Variants in HSD17B2 observed in about 807,000 individuals in gnomAD.
HSD17B2 encodes the protein 17-beta-hydroxysteroid dehydrogenase type 2.
HSD17B2 carries 32 observed loss-of-function variants against 26.9 expected under a neutral mutation model. That is an observed-to-expected ratio of 1.19 (90% confidence interval 0.90 to 1.60). The LOEUF (loss-of-function observed/expected upper bound fraction) is 1.60, where lower values mean the gene tolerates loss of function less well. HSD17B2 is among the 40% of genes most tolerant of loss of function. HSD17B2 has a pLI of 0.00. For synonymous variants in HSD17B2, 246 were observed against 186.7 expected, an observed-to-expected ratio of 1.32 and a Z score of -2.59; for missense variants, 613 against 468.6, an observed-to-expected ratio of 1.31 and a Z score of -2.85.
chr16:82,051,621 C>T (rs1025371950), intron 1 of HSD17B2, among the ~76,000 whole-genome samples: 5 of 152,122 alleles, frequency 3.3e-5, no homozygotes, highest in Non-Finnish European at 7.4e-5. Context: ...CTAATGCATG[C>T]AGGGCTTAAC....
chr16:82,037,654 T>C (rs535943509), intron 1 of HSD17B2, among the ~76,000 whole-genome samples: 1 of 152,292 alleles, frequency 6.6e-6, no homozygotes, highest in African/African-American at 2.4e-5. Flanking sequence ...TTAATTTAGA[T>C]TAATATTAAA....
chr16:82,088,498 C>A (rs1302331216), intron 3 of HSD17B2, among the ~76,000 whole-genome samples: 1 of 151,186 alleles, frequency 6.6e-6, no homozygotes, highest in East Asian at 1.9e-4. Context: ...GATTTGAATG[C>A]AGTCAGTGTT....
intron 1 of HSD17B2, among the ~76,000 whole-genome samples, chr16:82,037,470 C>A (rs1215855300): frequency 2.0e-5 from 3 of 152,142 alleles, no homozygotes; most frequent in African/African-American, 7.2e-5. Flanking sequence ...GATTAGCACG[C>A]ATTGTGGTGG....
chr16:82,090,907 G>A lies in HSD17B2; in HGVS notation c.670G>A (p.Ala224Thr), dbSNP rs1260466945. The change falls in exon 4 of 5, where the codon GCC (alanine) becomes ACC (threonine). Residue 224 changes from alanine (A) to threonine (T), a missense_variant. Physicochemically the swap from Ala to Thr is moderately conservative, Grantham distance 58. Coordinates refer to ENST00000199936, the MANE Select transcript of HSD17B2 (RefSeq NM_002153.3). ...TTCTCCCATTATTCCCATAGGAGGG[G>A]CCCCAATGGAAAGGCTGGCATCTTA... Reference protein sequence around the residue: ...LVNVSSMGGGAPMERLASYGS... With the variant: ...LVNVSSMGGGTPMERLASYGS... 1 of 1,611,116 alleles carries A rather than the reference G, an allele frequency of 6.2e-7. No individual in the cohort carries two copies. The highest frequency in any genetic ancestry group is 8.5e-7 in the Non-Finnish European group (1 of 1,178,722).
intron 3 of HSD17B2, among the ~76,000 whole-genome samples, chr16:82,072,925 C>G (rs1914729608): frequency 6.6e-6 from 1 of 152,136 alleles, no homozygotes; most frequent in South Asian, 2.1e-4. Flanking sequence ...ACAAACCAGG[C>G]ATTGTGGCAT....
intron 4 of HSD17B2, 71 bp from the exon 5 acceptor site, chr16:82,098,004 G>C (rs947148358): frequency 1.3e-6 from 2 of 1,495,250 alleles, no homozygotes; most frequent in African/African-American, 2.8e-5. Context: ...CTTCCCAACA[G>C]AGACAAGCGC....
chr16:82,037,269 T>A (rs1913649059), intron 1 of HSD17B2, among the ~76,000 whole-genome samples: 1 of 152,254 alleles, frequency 6.6e-6, no homozygotes, highest in African/African-American at 2.4e-5. Flanking sequence ...TCTTTGTTAT[T>A]TTCAAGTTCT....
At chr16:82,090,173 G>A (rs1299244089) in intron 3 of HSD17B2, 12 of 958,830 alleles carry the variant, frequency 1.3e-5, no homozygotes, top group Non-Finnish European at 1.4e-5. Flanking sequence ...AGGTGCTGTA[G>A]TGGGTTGAAT....
In HSD17B2 at chr16:82,071,012, T is replaced by A; in HGVS notation, c.549T>A (p.Thr183=). 6.2e-7 allele frequency: 1 copy of A among 1,614,240 alleles called. No homozygotes were observed. Among genetic ancestry groups the A allele is most frequent in the South Asian group, 1.1e-5 (1 of 91,092 alleles). Residue 183 remains threonine, a synonymous_variant, in exon 3 of 5, where the codon ACT becomes ACA. Transcript: ENST00000199936. Reference sequence around the variant, plus strand: ...CTGATGGGGAGCTTCTTCTTATGACTGACTACAAACAATGCATGGCCGTGA... The same window carrying A: ...CTGATGGGGAGCTTCTTCTTATGACAGACTACAAACAATGCATGGCCGTGA... ...FPTDGELLLM[T]DYKQCMAVNF...
intron 3 of HSD17B2, among the ~76,000 whole-genome samples, chr16:82,082,750 A>G (rs1161204755): frequency 2.0e-5 from 3 of 152,206 alleles, no homozygotes; most frequent in Non-Finnish European, 4.4e-5. Flanking sequence ...CATATAGTAG[A>G]CACCTAATAA....
chr16:82,050,621 C>T (rs529995127), intron 1 of HSD17B2, among the ~76,000 whole-genome samples: 86 of 152,190 alleles, frequency 5.7e-4, no homozygotes, highest in African/African-American at 1.8e-3. Flanking sequence ...CTGTGGAATC[C>T]GAGCCCCCAG....
Position 82,068,398 on chromosome 16 carries a change from C to G in HSD17B2, c.478+16C>G, listed in dbSNP as rs774094927. 14 of 1,594,884 alleles carry G rather than the reference C, an allele frequency of 8.8e-6. No homozygotes were observed. In the South Asian group the frequency reaches 1.5e-4, roughly 17 times the overall value. On this transcript the variant is annotated intron_variant, in intron 2 of 4. Transcript: ENST00000199936. ...CAGGACAGAGGTACTGCCGCCAGCA[C>G]CCTCAGTGCCTTTACCCTCCTCCTG... is the stretch of plus-strand genomic sequence containing the variant.
At chr16:82,081,041 C>T (rs1184934422) in intron 3 of HSD17B2, among the ~76,000 whole-genome samples, 2 of 151,994 alleles carry the variant, frequency 1.3e-5, no homozygotes, top group Non-Finnish European at 2.9e-5. Context: ...CCCAAATCTC[C>T]CTGGTTTCTT....
intron 1 of HSD17B2, among the ~76,000 whole-genome samples, chr16:82,055,875 G>C (rs149395767): frequency 6.6e-6 from 1 of 152,318 alleles, no homozygotes; most frequent in East Asian, 1.9e-4. Context: ...TTGGTGAGGA[G>C]TACTGGAGTG....
At chr16:82,072,494 C>T (rs151003483) in intron 3 of HSD17B2, among the ~76,000 whole-genome samples, 25 of 152,310 alleles carry the variant, frequency 1.6e-4, no homozygotes, top group African/African-American at 6.0e-4. Context: ...CTTTGCCTCA[C>T]TTATATAATA....
chr16:82,048,503 G>A (rs538286872), intron 1 of HSD17B2, among the ~76,000 whole-genome samples: 20 of 152,202 alleles, frequency 1.3e-4, no homozygotes, highest in African/African-American at 4.3e-4. Flanking sequence ...GGAGAAGATG[G>A]GGAATTAGCT....
chr16:82,072,327 C>A (rs746616842), intron 3 of HSD17B2, among the ~76,000 whole-genome samples: 1 of 152,152 alleles, frequency 6.6e-6, no homozygotes, highest in Admixed American at 6.5e-5. Flanking sequence ...CAATTTCCTG[C>A]TACCTTGCCA....
intron 3 of HSD17B2, among the ~76,000 whole-genome samples, chr16:82,077,694 G>A (rs947193403): frequency 1.3e-5 from 2 of 151,506 alleles, no homozygotes; most frequent in Admixed American, 6.6e-5. Flanking sequence ...TCACACCATT[G>A]CACTCCAGCC....
chr16:82,068,606 T>G (rs554636814), intron 2 of HSD17B2, among the ~76,000 whole-genome samples: 1 of 152,300 alleles, frequency 6.6e-6, no homozygotes, highest in African/African-American at 2.4e-5. Flanking sequence ...AACCTCAGTC[T>G]CATTCTCTCC....
Sources: allele counts gnomAD v4.1 joint callset (sites outside exome capture counted in the v4.1 genomes callset), GRCh38; gene constraint gnomAD v4.1.1; transcripts MANE v1.5; gene names NCBI Gene and HGNC (gene_info 2026-07-23, HGNC 2026-07-21).